The following FANCC variants were observed in gnomAD, a reference collection of about 807,000 sequenced individuals.
The protein encoded by FANCC is FA complementation group C, also known as Fanconi anemia group C protein.
FANCC carries 55 observed loss-of-function variants against 71.3 expected under a neutral mutation model. That is an observed-to-expected ratio of 0.77 (90% confidence interval 0.62 to 0.97). FANCC has a LOEUF of 0.97. Ranked by LOEUF, FANCC falls within the 50% of genes least tolerant of loss-of-function variation. The pLI is 0.00. For synonymous variants in FANCC, 275 were observed against 244.9 expected, an observed-to-expected ratio of 1.12 and a Z score of -1.15; for missense variants, 678 against 670.9, an observed-to-expected ratio of 1.01 and a Z score of -0.12.
At chr9:95,138,948 GTGAT>G in intron 7 of FANCC, among the ~76,000 whole-genome samples, 1 of 152,336 alleles carries the variant, frequency 6.6e-6, no homozygotes, top group East Asian at 1.9e-4. Context: ...ATTGCTGTGA[GTGAT>G]TATGTTTATG....
intron 6 of FANCC, among the ~76,000 whole-genome samples, chr9:95,163,208 T>A (rs1237250808): frequency 6.6e-6 from 1 of 152,240 alleles, no homozygotes; most frequent in African/African-American, 2.4e-5. Context: ...CCCAATCTTA[T>A]AGACAGGATA....
chr9:95,299,692 C>G (rs1225597375), intron 1 of FANCC, among the ~76,000 whole-genome samples: 1 of 152,098 alleles, frequency 6.6e-6, no homozygotes, highest in African/African-American at 2.4e-5. Flanking sequence ...GAGACCTCAG[C>G]TCTACAAAAC....
rs527267868 is a variant in FANCC, at chr9:95,099,830, A to G, written c.*1877T>C. On this transcript the variant is annotated 3_prime_UTR_variant, in exon 15 of 15. Coordinates refer to ENST00000289081, the MANE Select transcript of FANCC (RefSeq NM_000136.3). ...CGAGGTCAGGGCTTCCAGGCTAGGA[A>G]GAAGTCTTCCAGATGCCTAGCTTCA... 8.6e-6 allele frequency: 2 copies of G among 232,838 alleles called. No homozygotes were observed. The highest frequency in any genetic ancestry group is 6.1e-5 in the East Asian group (1 of 16,468). 14.4% of individuals were successfully genotyped at this position (232,838 alleles called of 1,614,324 possible).
At chr9:95,185,228 A>G (rs1313864436) in intron 4 of FANCC, among the ~76,000 whole-genome samples, 1 of 152,246 alleles carries the variant, frequency 6.6e-6, no homozygotes, top group African/African-American at 2.4e-5. Flanking sequence ...ATATTCCAAC[A>G]TGCAAATAGC....
chr9:95,208,157 G>T (rs1828262855), intron 4 of FANCC, among the ~76,000 whole-genome samples: 1 of 119,444 alleles, frequency 8.4e-6, no homozygotes, highest in African/African-American at 3.3e-5. Context: ...GAGTGCAATG[G>T]TGCAATCTCG....
At chr9:95,145,848 G>A (rs1484683309) in intron 7 of FANCC, among the ~76,000 whole-genome samples, 1 of 151,960 alleles carries the variant, frequency 6.6e-6, no homozygotes, top group Non-Finnish European at 1.5e-5. Flanking sequence ...ACCGGAGAAC[G>A]GGGAAAACAA....
At chr9:95,209,212 T>C in intron 4 of FANCC, among the ~76,000 whole-genome samples, 1 of 152,174 alleles carries the variant, frequency 6.6e-6, no homozygotes, top group Middle Eastern at 3.2e-3. Flanking sequence ...CACTGGCTGC[T>C]AGGGATTAGG....
chr9:95,255,257 AC>A (rs1831589120), intron 1 of FANCC, among the ~76,000 whole-genome samples: 1 of 152,082 alleles, frequency 6.6e-6, no homozygotes, highest in Non-Finnish European at 1.5e-5. Flanking sequence ...ATGCCTCCTG[AC>A]AAGGAGACAC....
At chr9:95,292,817 T>C (rs1444129849) in intron 1 of FANCC, 2 of 1,579,094 alleles carry the variant, frequency 1.3e-6, no homozygotes, top group African/African-American at 1.3e-5. Flanking sequence ...AAATCCATGC[T>C]GAGAAGAAGC....
intron 8 of FANCC, among the ~76,000 whole-genome samples, chr9:95,132,932 T>A (rs1827134663): frequency 6.6e-6 from 1 of 152,210 alleles, no homozygotes; most frequent in South Asian, 2.1e-4. Flanking sequence ...TTAACAGTGC[T>A]CTATATAAAA....
At chr9:95,121,858 A>AC (rs1302387536) in intron 10 of FANCC, among the ~76,000 whole-genome samples, 1 of 138,130 alleles carries the variant, frequency 7.2e-6, no homozygotes, top group Non-Finnish European at 1.6e-5. Context: ...CATAAAATTC[A>AC]TTTTTTTTTT....
At chr9:95,297,846 T>C (rs951712996) in intron 1 of FANCC, among the ~76,000 whole-genome samples, 4 of 152,182 alleles carry the variant, frequency 2.6e-5, no homozygotes, top group Admixed American at 6.5e-5. Flanking sequence ...CATCATGATA[T>C]GTTAAGTGTG....
chr9:95,257,236 T>C (rs538317947), intron 1 of FANCC, among the ~76,000 whole-genome samples: 3 of 152,338 alleles, frequency 2.0e-5, no homozygotes, highest in Admixed American at 2.0e-4. Flanking sequence ...ATATACATTC[T>C]TCTCAGAACC....
At chr9:95,135,668 A>T in intron 7 of FANCC, 166 bp from the exon 8 acceptor site, 1 of 628,010 alleles carries the variant, frequency 1.6e-6, no homozygotes, top group South Asian at 2.0e-5. Flanking sequence ...CCAAGTGCTC[A>T]TTTGCAAAAT....
intron 4 of FANCC, among the ~76,000 whole-genome samples, chr9:95,221,002 C>T (rs932796578): frequency 1.3e-4 from 20 of 152,014 alleles, no homozygotes; most frequent in Non-Finnish European, 2.4e-4. Context: ...GAGGCTGAGG[C>T]GGGCAGATCA....
Position 95,135,338 on chromosome 9 carries a change from G to C in FANCC, c.843+8C>G. On this transcript the variant is annotated splice_region_variant and intron_variant, in intron 8 of 14. Transcript: ENST00000289081. ...GGATTTTTCCCTTCATCAAAACCCA[G>C]TACGTACCAGCGATGAATCTTTTAT... 1 of 1,613,532 alleles carries C rather than the reference G, an allele frequency of 6.2e-7. No homozygotes were observed. Among genetic ancestry groups the C allele is most frequent in the South Asian group, 1.1e-5 (1 of 91,046 alleles).
At chr9:95,132,194 G>C (rs777387389) in intron 8 of FANCC, among the ~76,000 whole-genome samples, 2 of 152,130 alleles carry the variant, frequency 1.3e-5, no homozygotes, top group Non-Finnish European at 2.9e-5. Context: ...ATGAGAATCG[G>C]GTACCTTCCG....
intron 1 of FANCC, among the ~76,000 whole-genome samples, chr9:95,267,767 G>T (rs1436127095): frequency 6.6e-6 from 1 of 151,994 alleles, no homozygotes; most frequent in Non-Finnish European, 1.5e-5. Context: ...TTTTAAAAAA[G>T]CTAATTAAAA....
intron 1 of FANCC, chr9:95,293,066 A>T: frequency 6.2e-7 from 1 of 1,604,184 alleles, no homozygotes; most frequent in Non-Finnish European, 8.5e-7. Context: ...AAGACCACTG[A>T]ATCATTTAAC....
Sources: allele counts gnomAD v4.1 joint callset (sites outside exome capture counted in the v4.1 genomes callset), GRCh38; gene constraint gnomAD v4.1.1; transcripts MANE v1.5; gene names NCBI Gene and HGNC (gene_info 2026-07-23, HGNC 2026-07-21).